The following LDLRAD3 variants were observed in gnomAD, a reference collection of about 807,000 sequenced individuals.
LDLRAD3 encodes the protein low density lipoprotein receptor class A domain containing 3.
LDLRAD3 carries 20 observed loss-of-function variants against 29.4 expected under a neutral mutation model. The ratio of observed to expected loss-of-function variants is 0.68; its 90% CI spans 0.48 to 0.99. LDLRAD3 has a LOEUF of 0.99. Ranked by LOEUF, LDLRAD3 falls within the 50% of genes least tolerant of loss-of-function variation. The pLI, the probability that LDLRAD3 is intolerant of heterozygous loss-of-function variation, is 0.00. For missense variants in LDLRAD3, 420 were observed against 454.3 expected (o/e 0.92, Z 0.69); for synonymous variants, 157 against 192.7 (o/e 0.81, Z 1.53).
intron 4 of LDLRAD3, among the ~76,000 whole-genome samples, chr11:36,135,957 T>C (rs114042788): frequency 0.017 from 2,544 of 152,300 alleles, 89 homozygotes; most frequent in African/African-American, 0.058. Flanking sequence ...GATACAGTAT[T>C]TGGCATTTTC....
rs1853394513 is a variant in LDLRAD3, at chr11:36,098,348, C to T, written c.341C>T (p.Ser114Phe). ...ENCTANPLLC[S>F]TARYHCKNGL... ...GCAGCAGCAAACCCTCTGCTTTGCTCCACCGCCCGCTACCACTGCAAGAAC... is the reference window on the plus strand; with the variant it reads ...GCAGCAGCAAACCCTCTGCTTTGCTTCACCGCCCGCTACCACTGCAAGAAC... The change falls in exon 4 of 6, where the codon TCC becomes TTC. Residue 114 changes from serine to phenylalanine, a missense_variant. Ser to Phe is a radical substitution (Grantham distance 155). Around this residue, in one of 3 missense-constraint regions of LDLRAD3, gnomAD observed 224 missense variants for 222.2 expected, o/e 1.01. Coordinates refer to ENST00000315571, the MANE Select transcript of LDLRAD3 (RefSeq NM_174902.4). 1.2e-6 allele frequency: 2 copies of T among 1,614,162 alleles called. No individual in the cohort carries two copies. The highest frequency in any genetic ancestry group is 1.7e-6 in the Non-Finnish European group (2 of 1,180,042).
In LDLRAD3 at chr11:36,091,466, G is replaced by C. The variant is rs534565782; in HGVS notation, c.320-6861G>C. ...TGCCAGTTTAATTAACCACTAAGCG[G>C]TTCCCTTCACTCCTGCCTCCCTCCC... On this transcript the variant is annotated intron_variant, in intron 3 of 5. Transcript: ENST00000315571. Among the ~76,000 whole-genome samples, 6 of 152,136 alleles carry C rather than the reference G, an allele frequency of 3.9e-5. No individual in the cohort carries two copies. In the South Asian group the frequency reaches 6.2e-4, roughly 16 times the overall value.
At chr11:36,115,115 A>G (rs1036559392) in intron 4 of LDLRAD3, among the ~76,000 whole-genome samples, 3 of 152,184 alleles carry the variant, frequency 2.0e-5, no homozygotes, top group East Asian at 3.8e-4. Flanking sequence ...AGCCCGAACT[A>G]TCTACACAAA....
At chr11:36,099,155 A>C (rs751031947) in intron 4 of LDLRAD3, among the ~76,000 whole-genome samples, 55 of 151,856 alleles carry the variant, frequency 3.6e-4, no homozygotes, top group Non-Finnish European at 6.9e-4. Context: ...TGTCTGGGCT[A>C]TTGATTTTGG....
chr11:36,089,428 T>A (rs1217712535), intron 3 of LDLRAD3, among the ~76,000 whole-genome samples: 1 of 95,012 alleles, frequency 1.1e-5, no homozygotes, highest in Non-Finnish European at 2.0e-5. Flanking sequence ...GTATTCCCAA[T>A]ACATTTTTTT....
intron 1 of LDLRAD3, among the ~76,000 whole-genome samples, chr11:35,975,710 G>A (rs1420685971): frequency 1.3e-5 from 2 of 152,162 alleles, no homozygotes; most frequent in East Asian, 1.9e-4. Flanking sequence ...CTTTGGTACT[G>A]AGCTTTGTAG....
intron 1 of LDLRAD3, among the ~76,000 whole-genome samples, chr11:35,988,475 T>C (rs967132901): frequency 6.6e-6 from 1 of 152,242 alleles, no homozygotes; most frequent in South Asian, 2.1e-4. Flanking sequence ...TAGACATTTG[T>C]GGGATGCATA....
chr11:36,049,114 T>C (rs1307490570), intron 2 of LDLRAD3, among the ~76,000 whole-genome samples: 1 of 152,162 alleles, frequency 6.6e-6, no homozygotes. Flanking sequence ...CAGCATGCTC[T>C]CATTGCCAGG....
chr11:36,115,710 G>T (rs925953941), intron 4 of LDLRAD3, among the ~76,000 whole-genome samples: 2 of 152,184 alleles, frequency 1.3e-5, no homozygotes, highest in Non-Finnish European at 1.5e-5. Flanking sequence ...TGTATATGGT[G>T]CTTCTGATGG....
At chr11:36,073,907 C>A (rs1817667751) in intron 2 of LDLRAD3, among the ~76,000 whole-genome samples, 1 of 152,214 alleles carries the variant, frequency 6.6e-6, no homozygotes. Flanking sequence ...GCAGCTGTGC[C>A]ATGGGAAAGA....
At position 35,984,284 on chromosome 11, in the gene LDLRAD3, A is replaced by AT. The variant is rs374763256; in HGVS notation, c.46+40150dup. 9.0e-3 allele frequency among the ~76,000 whole-genome samples: 1,350 copies of AT among 149,988 alleles called. 15 individuals carry two copies. Among genetic ancestry groups the AT allele is most frequent in the African/African-American group, 0.029 (1,189 of 40,872 alleles). The stretch of plus-strand genomic sequence containing the variant: ...GTTGACCGCCCACAATGCATTAGGC[A>AT]TTTTTTTTTTCATAATTACTTCTGT... On this transcript the variant is annotated intron_variant, in intron 1 of 5. Coordinates refer to ENST00000315571, the MANE Select transcript of LDLRAD3 (RefSeq NM_174902.4).
At chr11:36,197,659 G>A (rs1017779461) in intron 4 of LDLRAD3, 3 of 152,144 alleles carry the variant, frequency 2.0e-5, no homozygotes, top group African/African-American at 4.8e-5. Context: ...TAGGTGCTGG[G>A]AACAAAGTTG....
rs565054907 is a variant in LDLRAD3, at chr11:35,953,063, C to G, written c.46+8919C>G. On this transcript the variant is annotated intron_variant, in intron 1 of 5. Coordinates refer to ENST00000315571, the MANE Select transcript of LDLRAD3 (RefSeq NM_174902.4). The stretch of plus-strand genomic sequence containing the variant: ...AGCTACAGGCAGAGCAGAGTGAACC[C>G]CAGGATTTTAAACTTACTCCCAAGG... 5.3e-5 allele frequency among the ~76,000 whole-genome samples: 8 copies of G among 152,252 alleles called. No individual in the cohort carries two copies. The East Asian group carries it at 1.5e-3, about 29-fold the overall frequency.
intron 4 of LDLRAD3, chr11:36,102,174 C>G (rs1853459914): frequency 5.9e-6 from 1 of 169,956 alleles, no homozygotes; most frequent in South Asian, 1.3e-4. Flanking sequence ...AGGCGTGAGC[C>G]ACCGCACCCG....
intron 4 of LDLRAD3, among the ~76,000 whole-genome samples, chr11:36,163,043 C>T (rs1009569108): frequency 3.9e-5 from 6 of 152,180 alleles, no homozygotes; most frequent in Non-Finnish European, 8.8e-5. Context: ...GCCTGTGTGT[C>T]TTCATGGGTG....
intron 4 of LDLRAD3, among the ~76,000 whole-genome samples, chr11:36,152,926 G>A (rs1854297086): frequency 1.3e-5 from 2 of 152,178 alleles, no homozygotes; most frequent in South Asian, 2.1e-4. Context: ...CAAAGAGGGA[G>A]AGGAAGCTTT....
At chr11:36,082,025 G>A (rs985897056) in intron 3 of LDLRAD3, among the ~76,000 whole-genome samples, 1 of 152,198 alleles carries the variant, frequency 6.6e-6, no homozygotes, top group Non-Finnish European at 1.5e-5. Flanking sequence ...CAATAGCTCT[G>A]CAAATGCAGA....
chr11:36,121,837 A>G (rs1226701203), intron 4 of LDLRAD3, among the ~76,000 whole-genome samples: 1 of 152,222 alleles, frequency 6.6e-6, no homozygotes, highest in Non-Finnish European at 1.5e-5. Flanking sequence ...CTTCTTCCTC[A>G]CAAATCCAGC....
intron 1 of LDLRAD3, among the ~76,000 whole-genome samples, chr11:35,971,410 A>C (rs1851410830): frequency 1.3e-5 from 2 of 151,870 alleles, no homozygotes; most frequent in Non-Finnish European, 2.9e-5. Context: ...GCCTTTAAAG[A>C]GATAATTAAG....
Sources: allele counts gnomAD v4.1 joint callset (sites outside exome capture counted in the v4.1 genomes callset), GRCh38; gene constraint gnomAD v4.1.1; regional missense constraint gnomAD v4.1.1; transcripts MANE v1.5; gene names NCBI Gene and HGNC (gene_info 2026-07-23, HGNC 2026-07-21).